ATP8B4: variants seen among roughly 807,000 people sequenced by gnomAD.
ATP8B4 encodes probable phospholipid-transporting ATPase IM.
In ATP8B4, 133 loss-of-function variants were observed where a neutral mutation model predicts 145.6. That is an observed-to-expected ratio of 0.91 (90% CI 0.79 to 1.05). ATP8B4 has a LOEUF of 1.05. Among genes scored for constraint, ATP8B4 ranks in the 50% least tolerant of loss-of-function variants. The pLI, the probability that ATP8B4 is intolerant of heterozygous loss-of-function variation, is 0.00. For missense variants in ATP8B4, 1,458 were observed against 1,425.2 expected (o/e 1.02, Z -0.37); for synonymous variants, 507 against 492.9 (o/e 1.03, Z -0.38).
intron 1 of ATP8B4, among the ~76,000 whole-genome samples, chr15:50,162,541 C>T (rs1000829926): frequency 2.6e-5 from 4 of 151,996 alleles, no homozygotes; most frequent in Non-Finnish European, 5.9e-5. Flanking sequence ...GAGTCTCGCT[C>T]TGTCGCCCAG....
intron 8 of ATP8B4, among the ~76,000 whole-genome samples, chr15:50,001,562 T>C (rs2047896631): frequency 6.6e-6 from 1 of 152,200 alleles, no homozygotes; most frequent in East Asian, 1.9e-4. Context: ...TACATCAGGA[T>C]TAAATGATAA....
chr15:50,095,915 C>T (rs2055952117), intron 2 of ATP8B4, among the ~76,000 whole-genome samples: 1 of 152,132 alleles, frequency 6.6e-6, no homozygotes, highest in African/African-American at 2.4e-5. Context: ...TCTTCTAATT[C>T]CCAGGTTTTC....
intron 1 of ATP8B4, among the ~76,000 whole-genome samples, chr15:50,126,923 G>C (rs1306549120): frequency 2.0e-5 from 3 of 152,114 alleles, no homozygotes; most frequent in East Asian, 1.9e-4. Context: ...CTTGGGGAAG[G>C]GGGAACTGGA....
intron 16 of ATP8B4, among the ~76,000 whole-genome samples, chr15:49,928,973 C>A (rs557552243): frequency 1.3e-5 from 2 of 152,214 alleles, no homozygotes; most frequent in African/African-American, 4.8e-5. Context: ...GTGGCATCAG[C>A]ATCACCCACA....
chr15:49,950,623 A>AAC (rs1200191335), intron 14 of ATP8B4, among the ~76,000 whole-genome samples: 3 of 138,484 alleles, frequency 2.2e-5, no homozygotes, highest in African/African-American at 7.4e-5. Flanking sequence ...AACAAACAAA[A>AAC]AAAACAACAA....
upstream of ATP8B4, among the ~76,000 whole-genome samples, chr15:50,122,837 A>T (rs976117271): frequency 6.6e-6 from 1 of 152,176 alleles, no homozygotes; most frequent in Non-Finnish European, 1.5e-5. Context: ...CTGAAGTGTA[A>T]ATCATAGAAC....
intron 12 of ATP8B4, among the ~76,000 whole-genome samples, chr15:49,979,072 G>T (rs1258640261): frequency 6.6e-6 from 1 of 151,958 alleles, no homozygotes; most frequent in Non-Finnish European, 1.5e-5. Flanking sequence ...AATGTGTCAG[G>T]AATTCTTAGA....
chr15:50,155,088 C>T lies in ATP8B4; in HGVS notation c.-43+27173G>A, dbSNP rs182932247. ...ATGAAAACTGAGATATTTAACAAAG[C>T]TAGTTATTTTTCTTGTTAACTACTT... On this transcript the variant is annotated intron_variant, in intron 1 of 3. Transcript: ENST00000558829. Among the ~76,000 whole-genome samples the T allele has an allele frequency of 5.3e-5, 8 of 152,170 alleles. No individual in the cohort carries two copies. In the East Asian group the frequency reaches 1.5e-3, roughly 29 times the overall value.
rs146460547 is a variant in ATP8B4, at chr15:50,150,388, T to C, written c.-43+31873A>G. ...GAGGATTTTAACACAATGGACTCCA[T>C]TTTGATTCTGAGAACTTTCACACTT... On this transcript the variant is annotated intron_variant, in intron 1 of 3. Coordinates refer to the ATP8B4 transcript ENST00000558829. Among the ~76,000 whole-genome samples the C allele has an allele frequency of 6.8e-3, 1,035 of 152,286 alleles. 7 individuals are homozygous for C. The highest frequency in any genetic ancestry group is 0.024 in the African/African-American group (1,001 of 41,564).
At chr15:50,016,346 T>A (rs1453414316) in intron 6 of ATP8B4, among the ~76,000 whole-genome samples, 1 of 152,192 alleles carries the variant, frequency 6.6e-6, no homozygotes, top group East Asian at 1.9e-4. Flanking sequence ...GAAAGACAAT[T>A]CCATCTGTTC....
At chr15:50,140,547 C>T (rs1225166547) in intron 1 of ATP8B4, among the ~76,000 whole-genome samples, 1 of 152,140 alleles carries the variant, frequency 6.6e-6, no homozygotes, top group African/African-American at 2.4e-5. Flanking sequence ...ATTAAGAGTG[C>T]CATAAATGTC....
intron 23 of ATP8B4, among the ~76,000 whole-genome samples, chr15:49,892,205 C>T (rs1598952955): frequency 1.3e-5 from 2 of 149,946 alleles, no homozygotes; most frequent in African/African-American, 4.9e-5. Flanking sequence ...AGAAAAATAA[C>T]ATGTTTGAAG....
intron 20 of ATP8B4, among the ~76,000 whole-genome samples, chr15:49,909,636 T>A (rs980038239): frequency 2.8e-5 from 4 of 143,478 alleles, no homozygotes; most frequent in Non-Finnish European, 3.0e-5. Flanking sequence ...GCTGTCCCCA[T>A]GCCCAATAAA....
intron 9 of ATP8B4, among the ~76,000 whole-genome samples, chr15:49,988,361 T>A (rs537543788): frequency 6.6e-6 from 1 of 152,198 alleles, no homozygotes; most frequent in South Asian, 2.1e-4. Flanking sequence ...ATTAGATTAA[T>A]ATACATATCC....
At chr15:50,001,598 T>G (rs1237030925) in intron 8 of ATP8B4, among the ~76,000 whole-genome samples, 4 of 152,194 alleles carry the variant, frequency 2.6e-5, no homozygotes, top group African/African-American at 9.6e-5. Context: ...CACAAATACA[T>G]AGTGTCATTA....
upstream of ATP8B4, among the ~76,000 whole-genome samples, chr15:50,122,733 C>T (rs2057281267): frequency 6.6e-6 from 1 of 152,062 alleles, no homozygotes; most frequent in East Asian, 1.9e-4. Flanking sequence ...TTGAACTATC[C>T]ACCTGCTCCA....
chr15:49,980,043 C>T (rs1299778924), intron 11 of ATP8B4, among the ~76,000 whole-genome samples: 1 of 152,140 alleles, frequency 6.6e-6, no homozygotes, highest in African/African-American at 2.4e-5. Flanking sequence ...CAGTCATTAT[C>T]CCCACTTTAC....
intron 3 of ATP8B4, among the ~76,000 whole-genome samples, chr15:50,065,966 C>A (rs1600159317): frequency 4.2e-5 from 6 of 142,990 alleles, no homozygotes; most frequent in South Asian, 4.4e-4. Flanking sequence ...TTTAATATGC[C>A]ATTTTAGAAC....
chr15:49,885,040 C>G (rs1056336317), intron 23 of ATP8B4, among the ~76,000 whole-genome samples: 1 of 152,160 alleles, frequency 6.6e-6, no homozygotes, highest in Non-Finnish European at 1.5e-5. Flanking sequence ...GGGTTAAAAC[C>G]CTCTAATGGT....
Sources: gnomAD v4.1 joint callset for allele counts (sites outside exome capture counted in the v4.1 genomes callset) on GRCh38, gnomAD v4.1.1 for gene constraint, MANE v1.5 for transcripts, NCBI Gene and HGNC (gene_info 2026-07-23, HGNC 2026-07-21) for gene names.